CADPS2: variants seen among roughly 807,000 people sequenced by gnomAD.
The protein encoded by CADPS2 is calcium dependent secretion activator 2, also known as calcium-dependent secretion activator 2.
CADPS2 carries 93 observed loss-of-function variants against 172.5 expected under a neutral mutation model. That is an observed-to-expected ratio of 0.54 (90% CI 0.46 to 0.64). The LOEUF (loss-of-function observed/expected upper bound fraction) is 0.64, where lower values mean the gene tolerates loss of function less well. Among genes scored for constraint, CADPS2 ranks in the 30% least tolerant of loss-of-function variants. CADPS2 has a pLI of 0.00. For missense variants in CADPS2, 1,420 were observed against 1,565.9 expected (o/e 0.91, Z 1.57); for synonymous variants, 546 against 555.2 (o/e 0.98, Z 0.23).
chr7:122,785,157 G>A (rs537253371), intron 1 of CADPS2, among the ~76,000 whole-genome samples: 1 of 152,252 alleles, frequency 6.6e-6, no homozygotes, highest in Admixed American at 6.5e-5. Flanking sequence ...TGTTGTAGGT[G>A]CTACAGTTGA....
In CADPS2 at chr7:122,361,017, T is replaced by C. The variant is rs754985638; in HGVS notation, c.3388-4A>G. On this transcript the variant is annotated splice_region_variant and splice_polypyrimidine_tract_variant and intron_variant, in intron 25 of 29. Coordinates refer to ENST00000449022, the MANE Select transcript of CADPS2 (RefSeq NM_017954.11). Reference sequence around the variant, plus strand: ...CGCCTTCCAACACTGAAACAAACTATAATACAGTTATAGTGAGTATTTAGA... The same window carrying C: ...CGCCTTCCAACACTGAAACAAACTACAATACAGTTATAGTGAGTATTTAGA... 2.5e-6 allele frequency: 4 copies of C among 1,610,550 alleles called. No homozygotes were observed. Among genetic ancestry groups the C allele is most frequent in the East Asian group, 2.2e-5 (1 of 44,798 alleles).
chr7:122,800,971 G>A (rs749551766), intron 1 of CADPS2, among the ~76,000 whole-genome samples: 4 of 141,090 alleles, frequency 2.8e-5, no homozygotes, highest in African/African-American at 8.1e-5. Flanking sequence ...CAGCCTGTGC[G>A]ACAGAGCGAG....
At chr7:122,583,104 T>A (rs1310310118) in intron 6 of CADPS2, among the ~76,000 whole-genome samples, 2 of 151,862 alleles carry the variant, frequency 1.3e-5, no homozygotes, top group Non-Finnish European at 2.9e-5. Context: ...AACTGCTCAC[T>A]CATGGTTCCA....
intron 2 of CADPS2, chr7:122,698,821 C>T (rs774637986): frequency 2.2e-5 from 35 of 1,613,796 alleles, no homozygotes; most frequent in Non-Finnish European, 2.9e-5. Context: ...AACACTTGCT[C>T]TGCAACAGTT....
chr7:122,732,362 T>C (rs1342781140), intron 2 of CADPS2, among the ~76,000 whole-genome samples: 3 of 151,080 alleles, frequency 2.0e-5, no homozygotes, highest in African/African-American at 7.3e-5. Flanking sequence ...GGAGTAATTG[T>C]CTATAGACTA....
intron 1 of CADPS2, among the ~76,000 whole-genome samples, chr7:122,797,613 A>C (rs1319732673): frequency 2.6e-5 from 4 of 152,148 alleles, no homozygotes; most frequent in African/African-American, 4.8e-5. Context: ...ACTAAATACC[A>C]CGTTATCATT....
intron 2 of CADPS2, among the ~76,000 whole-genome samples, chr7:122,713,245 T>A (rs1268745425): frequency 6.6e-6 from 1 of 152,118 alleles, no homozygotes; most frequent in African/African-American, 2.4e-5. Flanking sequence ...TTACCAGGAA[T>A]AGCAATTGTT....
At position 122,571,182 on chromosome 7, in the gene CADPS2, G is replaced by C. The variant is rs1043306402; in HGVS notation, c.1335+9997C>G. ...AAACAAGCAACCCAGTTAAAAACTG[G>C]GGAAAATATTTGAACAGATTCTTCA... On this transcript the variant is annotated intron_variant, in intron 7 of 29. Coordinates refer to ENST00000449022, the MANE Select transcript of CADPS2 (RefSeq NM_017954.11). Among the ~76,000 whole-genome samples the C allele has an allele frequency of 4.6e-5, 7 of 152,088 alleles. 1 individual carries two copies. The highest frequency in any genetic ancestry group is 7.4e-5 in the Non-Finnish European group (5 of 67,982).
intron 1 of CADPS2, among the ~76,000 whole-genome samples, chr7:122,795,683 C>T (rs1288523435): frequency 2.0e-5 from 3 of 152,126 alleles, no homozygotes; most frequent in Non-Finnish European, 4.4e-5. Context: ...TAAAAACTAT[C>T]AATAAACTAG....
At chr7:122,568,774 G>C (rs947685555) in intron 7 of CADPS2, among the ~76,000 whole-genome samples, 3 of 152,034 alleles carry the variant, frequency 2.0e-5, no homozygotes, top group Admixed American at 6.6e-5. Flanking sequence ...CTTTGGGTTT[G>C]GTGAAGATTT....
chr7:122,784,043 A>C (rs541779554), intron 1 of CADPS2, among the ~76,000 whole-genome samples: 1 of 152,350 alleles, frequency 6.6e-6, no homozygotes, highest in Non-Finnish European at 1.5e-5. Flanking sequence ...TCATTCCATT[A>C]GTAGTCACGT....
chr7:122,715,142 T>C (rs183147071), intron 2 of CADPS2, among the ~76,000 whole-genome samples: 151 of 152,274 alleles, frequency 9.9e-4, no homozygotes, highest in African/African-American at 3.5e-3. Flanking sequence ...ATAGAGCTTA[T>C]TGGTCATTTA....
At chr7:122,697,897 G>A in intron 2 of CADPS2, 1 of 1,613,842 alleles carries the variant, frequency 6.2e-7, no homozygotes, top group Non-Finnish European at 8.5e-7. Context: ...TCCTGCAGGA[G>A]AAACTTCATT....
At chr7:122,866,060 G>A (rs1402948347) in intron 1 of CADPS2, among the ~76,000 whole-genome samples, 1 of 152,150 alleles carries the variant, frequency 6.6e-6, no homozygotes, top group Non-Finnish European at 1.5e-5. Flanking sequence ...AATGTGACTG[G>A]GAATGGGAAA....
In CADPS2 at chr7:122,451,385, T is replaced by C; in HGVS notation, c.2277A>G (p.Ile759Met). 2 of 1,500,884 alleles carry C rather than the reference T, an allele frequency of 1.3e-6. No homozygotes were observed. Among genetic ancestry groups the C allele is most frequent in the Non-Finnish European group, 1.8e-6 (2 of 1,108,816 alleles). 93.0% of individuals were successfully genotyped at this position (1,500,884 alleles called of 1,614,324 possible). A position where few individuals can be genotyped will look rare whatever the true frequency, so the allele number is the denominator to read the frequency against. The change falls in exon 15 of 30, where the codon ATA becomes ATG. Residue 759 changes from isoleucine (I) to methionine (M), a missense_variant. Coordinates refer to ENST00000449022, the MANE Select transcript of CADPS2 (RefSeq NM_017954.11). Reference protein sequence around the residue: ...ERLSSLLENQISHFRYCFPFG... With the variant: ...ERLSSLLENQMSHFRYCFPFG... The stretch of plus-strand genomic sequence containing the variant: ...AAAAAAATATATACCTGAAATGGCT[T>C]ATCTGATTTTCTAAAAGGGAAGAGA...
At chr7:122,716,240 G>T (rs528455082) in intron 2 of CADPS2, among the ~76,000 whole-genome samples, 1 of 152,122 alleles carries the variant, frequency 6.6e-6, no homozygotes, top group Admixed American at 6.6e-5. Flanking sequence ...AGGAATATTT[G>T]TTTTATGAAA....
chr7:122,407,617 G>A lies in CADPS2; in HGVS notation c.2669C>T (p.Ala890Val), dbSNP rs762052013. 6.2e-7 allele frequency: 1 copy of A among 1,611,654 alleles called. No individual in the cohort carries two copies. Among genetic ancestry groups the A allele is most frequent in the Admixed American group, 1.7e-5 (1 of 59,792 alleles). Residue 890 changes from alanine (A) to valine (V), a missense_variant, in exon 20 of 30, where the codon GCA becomes GTA. Physicochemically the swap from Ala to Val is moderately conservative, Grantham distance 64. Coordinates refer to ENST00000449022, the MANE Select transcript of CADPS2 (RefSeq NM_017954.11). ...GGAGTCTTGCGGTTGAGCCTCTAGT[G>A]CAGTGTCCATATCCACTGTAAATAA... ...WALFTVDMDT[A>V]LEAQPQDSWD... is the part of the protein sequence containing the mutation.
rs1421706576 is a variant in CADPS2 at position 122,386,217 on chromosome 7, G to T, written c.3312+809C>A. Reference sequence around the variant, plus strand: ...AATTTATATAATTTTAATTTGAAAAGATGAAAATAAAAAATATACATTTAC... The same window carrying T: ...AATTTATATAATTTTAATTTGAAAATATGAAAATAAAAAATATACATTTAC... On this transcript the variant is annotated intron_variant, in intron 24 of 29. Coordinates refer to ENST00000449022, the MANE Select transcript of CADPS2 (RefSeq NM_017954.11). 4.0e-6 allele frequency: 4 copies of T among 995,400 alleles called. No individual in the cohort carries two copies. In the African/African-American group the frequency reaches 5.1e-5, roughly 13 times the overall value. The allele number at this position is 995,400 out of a possible 1,614,324, so 61.7% of individuals were successfully genotyped here.
At chr7:122,734,820 G>A (rs1259927317) in intron 2 of CADPS2, among the ~76,000 whole-genome samples, 1 of 152,056 alleles carries the variant, frequency 6.6e-6, no homozygotes, top group Non-Finnish European at 1.5e-5. Context: ...ACTCCATAAT[G>A]AGCATCACAA....
Sources: allele counts gnomAD v4.1 joint callset (sites outside exome capture counted in the v4.1 genomes callset), GRCh38; gene constraint gnomAD v4.1.1; transcripts MANE v1.5; gene names NCBI Gene and HGNC (gene_info 2026-07-23, HGNC 2026-07-21).